ERCC8: variants seen among roughly 807,000 people sequenced by gnomAD.
The protein encoded by ERCC8 is DNA excision repair protein ERCC-8.
In ERCC8, 52 loss-of-function variants were observed where a neutral mutation model predicts 54.9. The ratio of observed to expected loss-of-function variants is 0.95; its 90% CI spans 0.76 to 1.19. ERCC8 has a LOEUF of 1.19. Among genes scored for constraint, ERCC8 ranks in the 50% most tolerant of loss-of-function variants. ERCC8 has a pLI of 0.00. For synonymous variants in ERCC8, 146 were observed against 157.2 expected (o/e 0.93, Z 0.53); for missense variants, 514 against 466.1 (o/e 1.10, Z -0.95).
intron 4 of ERCC8, chr5:60,917,989 T>C: frequency 2.4e-6 from 1 of 415,992 alleles, no homozygotes; most frequent in Non-Finnish European, 4.5e-6. Context: ...GTACTTTACA[T>C]ATTTTGGCTC....
chr5:60,907,748 T>C (rs925459141), intron 4 of ERCC8, among the ~76,000 whole-genome samples: 2 of 152,120 alleles, frequency 1.3e-5, no homozygotes, highest in Admixed American at 6.5e-5. Context: ...ACCGCTTCCC[T>C]AAGACAAAAA....
In ERCC8 at chr5:60,868,061, T is replaced by C. The variant is rs548436942; in HGVS notation, c.*6554A>G. Among the ~76,000 whole-genome samples, 55 of 152,254 alleles carry C rather than the reference T, an allele frequency of 3.6e-4. No homozygotes were observed. The highest frequency in any genetic ancestry group is 1.1e-3 in the African/African-American group (47 of 41,540). ...CAGGCATGGTGGCGCATGCCTGTAA[T>C]CCCAGCTACTTGGGAGGCTGAGGCA... On this transcript the variant is annotated 3_prime_UTR_variant, in exon 12 of 12. Coordinates refer to ENST00000676185, the MANE Select transcript of ERCC8 (RefSeq NM_000082.4).
intron 5 of ERCC8, 98 bp downstream of exon 5, chr5:60,904,694 T>A (rs527813874): frequency 3.0e-5 from 11 of 366,882 alleles, no homozygotes; most frequent in Admixed American, 1.8e-4. Flanking sequence ...AAAATTGTGA[T>A]ATTCCTCTGG....
intron 4 of ERCC8, 77 bp downstream of exon 4, chr5:60,918,188 T>C: frequency 1.7e-6 from 2 of 1,159,488 alleles, no homozygotes; most frequent in Non-Finnish European, 2.6e-6. Context: ...TCTCAGCAAA[T>C]AATCATACTA....
chr5:60,927,932 C>A (rs980678048), intron 2 of ERCC8, among the ~76,000 whole-genome samples: 2 of 152,150 alleles, frequency 1.3e-5, no homozygotes, highest in Non-Finnish European at 2.9e-5. Context: ...TCTGACTTGA[C>A]TTAATGTATT....
chr5:60,909,243 G>GAAAAAAAAAAAAAAAAA (rs60064294), intron 4 of ERCC8, among the ~76,000 whole-genome samples: 4 of 19,950 alleles, frequency 2.0e-4, no homozygotes, highest in Non-Finnish European at 3.6e-4. Context: ...GCCCTATTCT[G>GAAAAAAAAAAAAAAAAA]AAAAAAAAAA....
intron 1 of ERCC8, among the ~76,000 whole-genome samples, chr5:60,934,472 T>A (rs566424107): frequency 6.6e-6 from 1 of 152,354 alleles, no homozygotes; most frequent in African/African-American, 2.4e-5. Context: ...TTCTGGATAT[T>A]AGTCCTCTGT....
chr5:60,874,647 C>G lies in ERCC8; in HGVS notation c.1159G>C (p.Asp387His), dbSNP rs368676801. 1.2e-6 allele frequency: 2 copies of G among 1,611,414 alleles called. No homozygotes were observed. The highest frequency in any genetic ancestry group is 1.7e-6 in the Non-Finnish European group (2 of 1,179,360). ...TKSQLNPAFE[D>H]AWSSSDEEG ...TCTTCATCACTGCTGCTCCAGGCATCTTCAAAGGCCGGATTTAATTGTGAT... is the reference window on the plus strand; with the variant it reads ...TCTTCATCACTGCTGCTCCAGGCATGTTCAAAGGCCGGATTTAATTGTGAT... The change falls in exon 12 of 12, where the codon GAT (aspartate) becomes CAT (histidine). Residue 387 changes from aspartate (D) to histidine (H), a missense_variant. Physicochemically the swap from Asp to His is moderately conservative, Grantham distance 81. Coordinates refer to ENST00000676185, the MANE Select transcript of ERCC8 (RefSeq NM_000082.4).
At position 60,944,991 on chromosome 5, in the gene ERCC8, G is replaced by C. The variant is rs1750394813; in HGVS notation, c.18C>G (p.Ser6=). Residue 6 remains serine (S), a synonymous_variant, in exon 1 of 12, where the codon TCC becomes TCG. Transcript: ENST00000676185. The part of the protein sequence containing the change: MLGFL[S]ARQTGLEDPL... The stretch of plus-strand genomic sequence containing the variant: ...GGTCCTCCAAACCCGTTTGGCGTGC[G>C]GACAAAAACCCCAGCATATCGTGTC... 6.2e-7 allele frequency: 1 copy of C among 1,614,012 alleles called. No individual in the cohort carries two copies. Among genetic ancestry groups the C allele is most frequent in the Non-Finnish European group, 8.5e-7 (1 of 1,179,918 alleles).
chr5:60,938,394 G>A (rs557798440), intron 1 of ERCC8, among the ~76,000 whole-genome samples: 46 of 124,392 alleles, frequency 3.7e-4, no homozygotes, highest in African/African-American at 1.0e-3. Flanking sequence ...TCGCTCTGTC[G>A]CCAGGCTGGA....
chr5:60,887,045 G>A (rs978720626), intron 11 of ERCC8, among the ~76,000 whole-genome samples: 1 of 152,098 alleles, frequency 6.6e-6, no homozygotes, highest in Non-Finnish European at 1.5e-5. Flanking sequence ...ACCATGATAT[G>A]AACTATGTTA....
chr5:60,932,488 T>C (rs1382110707), intron 1 of ERCC8, among the ~76,000 whole-genome samples: 1 of 152,182 alleles, frequency 6.6e-6, no homozygotes, highest in Non-Finnish European at 1.5e-5. Flanking sequence ...GTAAAAACCT[T>C]CAACATTGAG....
At chr5:60,878,847 G>GT (rs1185891020) in intron 11 of ERCC8, among the ~76,000 whole-genome samples, 34 of 152,092 alleles carry the variant, frequency 2.2e-4, no homozygotes, top group African/African-American at 7.5e-4. Context: ...TTTTTGAAGG[G>GT]TTTTTTGTGT....
intron 11 of ERCC8, among the ~76,000 whole-genome samples, chr5:60,876,996 G>A (rs935029369): frequency 1.1e-4 from 16 of 152,192 alleles, no homozygotes; most frequent in African/African-American, 3.9e-4. Flanking sequence ...TTTTCTTCTG[G>A]GGTTTTTATG....
chr5:60,904,667 T>C (rs1344621524), intron 5 of ERCC8, 125 bp downstream of exon 5: 1 of 156,954 alleles, frequency 6.4e-6, no homozygotes, highest in Non-Finnish European at 1.2e-5. Context: ...TATATATATA[T>C]ATATATATAT....
chr5:60,911,767 A>C (rs1161021197), intron 4 of ERCC8, among the ~76,000 whole-genome samples: 1 of 35,486 alleles, frequency 2.8e-5, no homozygotes, highest in African/African-American at 6.2e-5. Context: ...TAATTTTTGT[A>C]TAAGGTGTTA....
At chr5:60,919,783 C>T (rs575524917) in intron 3 of ERCC8, among the ~76,000 whole-genome samples, 13 of 151,854 alleles carry the variant, frequency 8.6e-5, no homozygotes, top group Admixed American at 8.6e-4. Flanking sequence ...AGGATCATCA[C>T]CCTTTGGGGA....
At chr5:60,891,359 A>G (rs953484599) in intron 9 of ERCC8, among the ~76,000 whole-genome samples, 2 of 152,156 alleles carry the variant, frequency 1.3e-5, no homozygotes, top group African/African-American at 4.8e-5. Flanking sequence ...ATCATTTTAG[A>G]CCATTTAGCA....
intron 11 of ERCC8, among the ~76,000 whole-genome samples, chr5:60,875,388 T>C (rs1021367818): frequency 6.6e-6 from 1 of 152,214 alleles, no homozygotes; most frequent in Non-Finnish European, 1.5e-5. Context: ...AACATGCATC[T>C]AGATGATGTT....
Sources: allele counts gnomAD v4.1 joint callset (sites outside exome capture counted in the v4.1 genomes callset), GRCh38; gene constraint gnomAD v4.1.1; transcripts MANE v1.5; gene names NCBI Gene and HGNC (gene_info 2026-07-23, HGNC 2026-07-21).